The following VSX2 variants were observed in gnomAD, a reference collection of about 807,000 sequenced individuals.
The protein encoded by VSX2 is visual system homeobox 2.
A neutral mutation model predicts 32.1 loss-of-function variants in VSX2; 28 were observed. The ratio of observed to expected loss-of-function variants is 0.87; its 90% confidence interval spans 0.65 to 1.20. VSX2 has a LOEUF of 1.20. Among genes scored for constraint, VSX2 ranks in the 50% most tolerant of loss-of-function variants. VSX2 has a pLI of 0.00. For synonymous variants in VSX2, 243 were observed against 214.1 expected, an observed-to-expected ratio of 1.14 and a Z score of -1.18; for missense variants, 506 against 488.7, an observed-to-expected ratio of 1.04 and a Z score of -0.33.
intron 2 of VSX2, among the ~76,000 whole-genome samples, chr14:74,243,918 A>C (rs2079167707): frequency 6.6e-6 from 1 of 152,126 alleles, no homozygotes; most frequent in Non-Finnish European, 1.5e-5. Context: ...CTGGCGCCAG[A>C]GTCTGATCCC....
chr14:74,243,039 A>AT (rs2079161366), intron 2 of VSX2, among the ~76,000 whole-genome samples: 1 of 152,178 alleles, frequency 6.6e-6, no homozygotes, highest in South Asian at 2.1e-4. Flanking sequence ...TTTCTGTTGC[A>AT]TGAAGGGAGA....
intron 3 of VSX2, 113 bp downstream of exon 3, chr14:74,245,401 C>T: frequency 2.1e-6 from 3 of 1,430,686 alleles, no homozygotes; most frequent in Non-Finnish European, 1.9e-6. Context: ...TGGGCATGTG[C>T]TTGCCTATGA....
chr14:74,245,312 C>T (rs745654446), intron 3 of VSX2, 24 bp downstream of exon 3: 34 of 1,612,946 alleles, frequency 2.1e-5, no homozygotes, highest in Non-Finnish European at 2.5e-5. Flanking sequence ...GCCCCTCTCC[C>T]CTCCACTCTC....
At chr14:74,254,314 G>C (rs2079248445) in intron 3 of VSX2, among the ~76,000 whole-genome samples, 1 of 152,152 alleles carries the variant, frequency 6.6e-6, no homozygotes, top group Non-Finnish European at 1.5e-5. Flanking sequence ...GGGAGGCTGA[G>C]GCAGGAGAAT....
At chr14:74,255,906 T>C (rs947194356) in intron 3 of VSX2, among the ~76,000 whole-genome samples, 1 of 152,230 alleles carries the variant, frequency 6.6e-6, no homozygotes, top group East Asian at 1.9e-4. Flanking sequence ...AATTTATTTA[T>C]CGTTTTTAGT....
intron 3 of VSX2, among the ~76,000 whole-genome samples, chr14:74,247,087 C>T (rs150888258): frequency 0.017 from 2,557 of 152,058 alleles, 79 homozygotes; most frequent in Admixed American, 0.085. Context: ...TTGTGGATAT[C>T]GGAGAAATGA....
chr14:74,251,598 G>C (rs2079229513), intron 3 of VSX2, among the ~76,000 whole-genome samples: 1 of 152,162 alleles, frequency 6.6e-6, no homozygotes. Context: ...GTTCTGAGTG[G>C]GTTAATATGA....
At chr14:74,244,919 T>TGAGAGAGAGAAAGAGAGAGAGAAA (rs1178977213) in intron 2 of VSX2, among the ~76,000 whole-genome samples, 11 of 41,182 alleles carry the variant, frequency 2.7e-4, no homozygotes, top group East Asian at 6.2e-4. Context: ...TGTGTGTGTG[T>TGAGAGAGAGAAAGAGAGAGAGAAA]GTGTGTGTGT....
chr14:74,259,750 G>A lies in VSX2; in HGVS notation c.728G>A (p.Gly243Asp), dbSNP rs770138006. ...PESILKSAKD[G>D]IMDSCAPWLL... is the part of the protein sequence containing the mutation. ...TCCATCCTCAAGTCAGCCAAGGATG[G>A]CATCATGGACTCCTGTGCCCCGTGG... The change falls in exon 4 of 5, where the codon GGC becomes GAC. Residue 243 changes from glycine to aspartate, a missense_variant. Transcript: ENST00000261980. 5.6e-5 allele frequency: 91 copies of A among 1,613,708 alleles called. No individual in the cohort carries two copies. Among genetic ancestry groups the A allele is most frequent in the East Asian group, 4.5e-4 (20 of 44,880 alleles).
intron 2 of VSX2, among the ~76,000 whole-genome samples, chr14:74,244,918 GTGTGTGTGTGTGAA>G (rs1248818483): frequency 2.3e-4 from 27 of 117,278 alleles, no homozygotes; most frequent in African/African-American, 3.5e-4. Flanking sequence ...GTGTGTGTGT[GTGTGTGTGTGTGAA>G]AGAGAGAGAG....
intron 3 of VSX2, among the ~76,000 whole-genome samples, chr14:74,250,099 G>A (rs1422825762): frequency 6.6e-6 from 1 of 152,022 alleles, no homozygotes; most frequent in African/African-American, 2.4e-5. Context: ...GAATTAACAG[G>A]TGTGGTGACA....
intron 3 of VSX2, 94 bp from the exon 4 acceptor site, chr14:74,259,508 C>T: frequency 1.3e-6 from 2 of 1,522,008 alleles, no homozygotes; most frequent in Non-Finnish European, 1.8e-6. Flanking sequence ...GGACGCCCTG[C>T]TGGAGAAATC....
rs758972546 is a variant in VSX2, at chr14:74,239,883, T to C, written c.322T>C (p.Leu108=). The change falls in exon 1 of 5, where the codon TTG becomes CTG. Residue 108 remains leucine, a synonymous_variant. Coordinates refer to ENST00000261980, the MANE Select transcript of VSX2 (RefSeq NM_182894.3). ...SDPQSVHLQP[L]GRASGPLDTS... ...CCCGCAGAGCGTCCACTTGCAGCCATTGGGCAGAGCATCGGGGCCGCTGGA... is the reference window on the plus strand; with the variant it reads ...CCCGCAGAGCGTCCACTTGCAGCCACTGGGCAGAGCATCGGGGCCGCTGGA... 3.4e-5 allele frequency: 54 copies of C among 1,575,530 alleles called. No homozygotes were observed. The highest frequency in any genetic ancestry group is 2.3e-5 in the South Asian group (2 of 86,038).
At chr14:74,246,632 C>T (rs562594888) in intron 3 of VSX2, among the ~76,000 whole-genome samples, 1 of 152,280 alleles carries the variant, frequency 6.6e-6, no homozygotes, top group Non-Finnish European at 1.5e-5. Flanking sequence ...TGTGTGTAAG[C>T]CAAGCCTTAA....
chr14:74,241,316 G>A, intron 2 of VSX2, 50 bp downstream of exon 2: 1 of 1,582,526 alleles, frequency 6.3e-7, no homozygotes, highest in Non-Finnish European at 8.6e-7. Flanking sequence ...CCCCGCTGCC[G>A]TCCCCCGTTC....
At chr14:74,243,600 C>T (rs1369508119) in intron 2 of VSX2, among the ~76,000 whole-genome samples, 1 of 152,046 alleles carries the variant, frequency 6.6e-6, no homozygotes, top group East Asian at 1.9e-4. Flanking sequence ...TATTTTGATG[C>T]TCTGTCCATG....
At chr14:74,260,416 C>T (rs771519951) in intron 4 of VSX2, among the ~76,000 whole-genome samples, 178 bp from the exon 5 acceptor site, 7 of 152,318 alleles carry the variant, frequency 4.6e-5, no homozygotes, top group South Asian at 2.1e-4. Flanking sequence ...ACAGGGCTGG[C>T]GACCCATCTC....
Position 74,260,583 on chromosome 14 carries a change from A to T in VSX2, c.761-11A>T. ...GCTTTTCTAAACCCGAATACCAACA[A>T]TTCTTTCTAGGGATGCACAAAAAGT... On this transcript the variant is annotated splice_polypyrimidine_tract_variant and intron_variant, in intron 4 of 4. Transcript: ENST00000261980. The T allele has an allele frequency of 6.3e-7, 1 of 1,594,522 alleles. No individual in the cohort carries two copies. Among genetic ancestry groups the T allele is most frequent in the Non-Finnish European group, 8.5e-7 (1 of 1,170,892 alleles).
intron 3 of VSX2, among the ~76,000 whole-genome samples, chr14:74,248,510 A>C (rs1478062581): frequency 2.0e-5 from 3 of 151,774 alleles, no homozygotes; most frequent in African/African-American, 4.8e-5. Context: ...AACATAGTGA[A>C]ATCCCCATCT....
Sources: gnomAD v4.1 joint callset for allele counts (sites outside exome capture counted in the v4.1 genomes callset) on GRCh38, gnomAD v4.1.1 for gene constraint, MANE v1.5 for transcripts, NCBI Gene and HGNC (gene_info 2026-07-23, HGNC 2026-07-21) for gene names.